Variants in COX10 observed in about 807,000 individuals in gnomAD.
COX10 encodes protoheme IX farnesyltransferase, mitochondrial.
A neutral mutation model predicts 37.3 loss-of-function variants in COX10; 27 were observed. The ratio of observed to expected loss-of-function variants is 0.72; its 90% CI spans 0.53 to 1.00. The LOEUF is 1.00. COX10 is among the 50% of genes least tolerant of loss of function. COX10 has a pLI of 0.00. For missense variants in COX10, 475 were observed against 563.2 expected, an observed-to-expected ratio of 0.84 and a Z score of 1.59; for synonymous variants, 222 against 229.1, an observed-to-expected ratio of 0.97 and a Z score of 0.28.
At chr17:14,092,220 T>C (rs1343131946) in intron 3 of COX10, among the ~76,000 whole-genome samples, 3 of 152,158 alleles carry the variant, frequency 2.0e-5, no homozygotes, top group African/African-American at 7.2e-5. Flanking sequence ...CGATAGATAC[T>C]TCATTTTCCT....
At chr17:14,196,621 T>C (rs1391643516) in intron 6 of COX10, among the ~76,000 whole-genome samples, 3 of 152,100 alleles carry the variant, frequency 2.0e-5, no homozygotes, top group African/African-American at 7.2e-5. Flanking sequence ...ACATTTAGGA[T>C]CATTTACCAG....
chr17:14,190,834 T>C (rs2142262372), intron 5 of COX10, among the ~76,000 whole-genome samples: 1 of 152,216 alleles, frequency 6.6e-6, no homozygotes, highest in East Asian at 1.9e-4. Context: ...TCTCCTGCCA[T>C]AGGAACACTG....
intron 4 of COX10, among the ~76,000 whole-genome samples, chr17:14,142,906 A>G (rs1904590181): frequency 6.6e-6 from 1 of 152,310 alleles, no homozygotes; most frequent in Admixed American, 6.5e-5. Context: ...TATGTACTTC[A>G]GTTTTTCAGG....
chr17:14,077,252 G>A, intron 3 of COX10, 196 bp downstream of exon 3: 2 of 593,762 alleles, frequency 3.4e-6, no homozygotes, highest in Non-Finnish European at 5.9e-6. Context: ...AAATAGTATT[G>A]CATTGTAAGT....
At chr17:14,091,325 C>T (rs1915522287) in intron 3 of COX10, among the ~76,000 whole-genome samples, 1 of 152,156 alleles carries the variant, frequency 6.6e-6, no homozygotes. Context: ...GTCCTGTTAT[C>T]AGTGAATTGC....
chr17:14,174,562 C>G (rs1438743608), intron 5 of COX10, among the ~76,000 whole-genome samples: 1 of 151,310 alleles, frequency 6.6e-6, no homozygotes, highest in Non-Finnish European at 1.5e-5. Context: ...AGTAATCATA[C>G]GGGAAATGCA....
At chr17:14,096,138 A>G (rs1409716821) in intron 3 of COX10, among the ~76,000 whole-genome samples, 1 of 151,936 alleles carries the variant, frequency 6.6e-6, no homozygotes, top group African/African-American at 2.4e-5. Flanking sequence ...CTCTTCTTAT[A>G]AAGCCACCAG....
At chr17:14,175,493 G>A (rs937962535) in intron 5 of COX10, among the ~76,000 whole-genome samples, 5 of 151,118 alleles carry the variant, frequency 3.3e-5, no homozygotes, top group East Asian at 2.0e-4. Context: ...GTGAGAAAAC[G>A]ACTGTTCTTA....
intron 3 of COX10, among the ~76,000 whole-genome samples, chr17:14,083,448 C>G (rs1915342599): frequency 6.6e-6 from 1 of 152,230 alleles, no homozygotes; most frequent in Non-Finnish European, 1.5e-5. Context: ...ATAGCCGAGG[C>G]AGAAATATCT....
At chr17:14,111,100 G>GTAA (rs1915998447) in intron 4 of COX10, among the ~76,000 whole-genome samples, 2 of 152,202 alleles carry the variant, frequency 1.3e-5, no homozygotes, top group South Asian at 4.1e-4. Context: ...TTTCTAACTA[G>GTAA]TAATAGAGCT....
At chr17:14,182,435 T>A (rs1463911961) in intron 5 of COX10, 1 of 654,800 alleles carries the variant, frequency 1.5e-6, no homozygotes, top group African/African-American at 1.9e-5. Flanking sequence ...TTAAAATAGG[T>A]TTTGTTTTCT....
chr17:14,100,363 C>A (rs1446233394), intron 3 of COX10, among the ~76,000 whole-genome samples: 1 of 152,156 alleles, frequency 6.6e-6, no homozygotes, highest in Non-Finnish European at 1.5e-5. Context: ...GGGGTCCTAC[C>A]TTCATGGAGC....
chr17:14,129,779 GCTAGAAAAGGATAGGAGGACTCT>G (rs1916424411), intron 4 of COX10, among the ~76,000 whole-genome samples: 1 of 152,174 alleles, frequency 6.6e-6, no homozygotes, highest in African/African-American at 2.4e-5. Flanking sequence ...GCAGAGCTAT[GCTAGAAAAGGATAGGAGGACTCT>G]CTGGGTACAG....
chr17:14,151,119 TG>T (rs1415415602), intron 4 of COX10, among the ~76,000 whole-genome samples: 2 of 152,140 alleles, frequency 1.3e-5, no homozygotes, highest in Admixed American at 6.5e-5. Context: ...CTGAAATAAC[TG>T]TTGAAGTGTT....
intron 3 of COX10, among the ~76,000 whole-genome samples, chr17:14,088,447 A>C (rs1915459440): frequency 6.6e-6 from 1 of 152,162 alleles, no homozygotes; most frequent in Non-Finnish European, 1.5e-5. Flanking sequence ...GACAGAAAAA[A>C]AAAAATTTAG....
intron 5 of COX10, among the ~76,000 whole-genome samples, chr17:14,186,837 C>T (rs1156805223): frequency 1.3e-5 from 2 of 152,128 alleles, no homozygotes; most frequent in African/African-American, 4.8e-5. Flanking sequence ...GCCCCACATA[C>T]AGTTGGGAGA....
chr17:14,206,158 C>T (rs921606472), intron 6 of COX10, among the ~76,000 whole-genome samples: 2 of 152,090 alleles, frequency 1.3e-5, no homozygotes, highest in African/African-American at 4.8e-5. Context: ...AGATCAGAGC[C>T]AGGGTGTGAC....
chr17:14,140,309 G>A (rs1342397464), intron 4 of COX10, among the ~76,000 whole-genome samples: 1 of 151,984 alleles, frequency 6.6e-6, no homozygotes, highest in Admixed American at 6.6e-5. Context: ...AATTATATTA[G>A]TATTTTAGGC....
intron 4 of COX10, among the ~76,000 whole-genome samples, chr17:14,117,257 A>G (rs1455032981): frequency 2.0e-5 from 3 of 152,096 alleles, no homozygotes; most frequent in Non-Finnish European, 2.9e-5. Context: ...TTTGGGTTAT[A>G]TGGAGGCTTT....
Sources: allele counts gnomAD v4.1 joint callset (sites outside exome capture counted in the v4.1 genomes callset), GRCh38; gene constraint gnomAD v4.1.1; transcripts MANE v1.5; gene names NCBI Gene and HGNC (gene_info 2026-07-23, HGNC 2026-07-21).